The following KCNIP1 variants were observed in gnomAD, a reference collection of about 807,000 sequenced individuals.
The protein encoded by KCNIP1 is A-type potassium channel modulatory protein KCNIP1.
A neutral mutation model predicts 33.0 loss-of-function variants in KCNIP1; 18 were observed. The observed-to-expected ratio is 0.55, with a 90% CI of 0.38 to 0.81. The LOEUF (loss-of-function observed/expected upper bound fraction) is 0.81. Among genes scored for constraint, KCNIP1 ranks in the 30% least tolerant of loss-of-function variants. The pLI is 0.00. For synonymous variants in KCNIP1, 93 were observed against 98.3 expected, an observed-to-expected ratio of 0.95 and a Z score of 0.32; for missense variants, 238 against 271.6, an observed-to-expected ratio of 0.88 and a Z score of 0.87.
intron 1 of KCNIP1, among the ~76,000 whole-genome samples, chr5:170,412,502 A>G (rs1424623567): frequency 1.3e-5 from 2 of 152,192 alleles, no homozygotes; most frequent in Non-Finnish European, 2.9e-5. Context: ...GGTTTCAGGA[A>G]GTGACTCCTG....
chr5:170,416,678 C>A (rs370638068), intron 1 of KCNIP1, among the ~76,000 whole-genome samples: 1 of 149,866 alleles, frequency 6.7e-6, no homozygotes, highest in East Asian at 1.9e-4. Flanking sequence ...TTAATACTTA[C>A]CGTAACTCAT....
intron 1 of KCNIP1, among the ~76,000 whole-genome samples, chr5:170,700,974 C>G (rs1321055669): frequency 1.3e-5 from 2 of 152,208 alleles, no homozygotes; most frequent in African/African-American, 2.4e-5. Flanking sequence ...CAACAAAACA[C>G]TGGTTGCAGT....
intron 1 of KCNIP1, among the ~76,000 whole-genome samples, chr5:170,574,512 C>G (rs538897143): frequency 7.9e-5 from 12 of 152,356 alleles, no homozygotes; most frequent in African/African-American, 2.4e-4. Flanking sequence ...CCTCCTACCA[C>G]ACAGTTCAAA....
intron 1 of KCNIP1, among the ~76,000 whole-genome samples, chr5:170,400,343 T>C (rs1375086010): frequency 6.6e-6 from 1 of 151,960 alleles, no homozygotes; most frequent in African/African-American, 2.4e-5. Context: ...CTTCACAAGG[T>C]GGCAGGAAAA....
chr5:170,365,304 G>A (rs1232125379), intron 1 of KCNIP1, among the ~76,000 whole-genome samples: 2 of 152,144 alleles, frequency 1.3e-5, no homozygotes, highest in Non-Finnish European at 2.9e-5. Flanking sequence ...GCCCTTTAAA[G>A]GTTCCAGTTC....
At chr5:170,473,613 CT>C (rs1372685133) in intron 1 of KCNIP1, among the ~76,000 whole-genome samples, 1 of 152,132 alleles carries the variant, frequency 6.6e-6, no homozygotes, top group Admixed American at 6.5e-5. Context: ...ACCAGGGCCC[CT>C]GGCAGCTCAG....
chr5:170,495,736 C>A (rs769339640), intron 1 of KCNIP1, among the ~76,000 whole-genome samples: 56 of 152,340 alleles, frequency 3.7e-4, no homozygotes, highest in Admixed American at 1.5e-3. Context: ...GTAGTGAATG[C>A]CGCAGCTCAA....
In KCNIP1 at chr5:170,458,615, G is replaced by A. The variant is rs1299430717; in HGVS notation, c.88+104651G>A. ...GTGAAACTAAGCTTTATAAATGAAG[G>A]AAAGATACAGTCTTTTTCAGATAAA... is the stretch of plus-strand genomic sequence containing the variant. On this transcript the variant is annotated intron_variant, in intron 1 of 7. Coordinates refer to the KCNIP1 transcript ENST00000377360. Among the ~76,000 whole-genome samples the A allele has an allele frequency of 2.0e-5, 3 of 152,156 alleles. No homozygotes were observed. In the East Asian group the frequency reaches 5.8e-4, roughly 29 times the overall value.
intron 1 of KCNIP1, among the ~76,000 whole-genome samples, chr5:170,672,405 G>A (rs1761960924): frequency 6.6e-6 from 1 of 152,230 alleles, no homozygotes; most frequent in Non-Finnish European, 1.5e-5. Flanking sequence ...TTCCTCCCCT[G>A]GAGAAACTGA....
At chr5:170,594,126 A>G (rs1369467302) in intron 1 of KCNIP1, among the ~76,000 whole-genome samples, 3 of 152,236 alleles carry the variant, frequency 2.0e-5, no homozygotes, top group Non-Finnish European at 4.4e-5. Context: ...AGACACAGCT[A>G]GAGATTGGCA....
intron 1 of KCNIP1, among the ~76,000 whole-genome samples, chr5:170,566,850 G>A (rs1197821888): frequency 6.6e-6 from 1 of 152,202 alleles, no homozygotes; most frequent in African/African-American, 2.4e-5. Flanking sequence ...CATAAACCAG[G>A]AAAAGGAGGA....
intron 1 of KCNIP1, among the ~76,000 whole-genome samples, chr5:170,540,393 C>A (rs919720286): frequency 2.0e-5 from 3 of 152,174 alleles, no homozygotes; most frequent in Admixed American, 2.0e-4. Context: ...ATACTTACAG[C>A]CCTGAGGTTG....
At chr5:170,479,361 A>G (rs1430537823) in intron 1 of KCNIP1, among the ~76,000 whole-genome samples, 1 of 152,214 alleles carries the variant, frequency 6.6e-6, no homozygotes, top group Non-Finnish European at 1.5e-5. Context: ...CCCTCTTTAC[A>G]TGTTACCAAA....
chr5:170,546,500 C>T (rs1756413792), intron 1 of KCNIP1, among the ~76,000 whole-genome samples: 2 of 152,192 alleles, frequency 1.3e-5, no homozygotes, highest in South Asian at 4.1e-4. Flanking sequence ...TGCTTGGTTT[C>T]TGCTTTCTCC....
At chr5:170,651,601 C>CCAGCTGAT (rs1485336371) in intron 1 of KCNIP1, among the ~76,000 whole-genome samples, 2 of 152,176 alleles carry the variant, frequency 1.3e-5, no homozygotes. Context: ...CGCCACCCCC[C>CCAGCTGAT]CAGCTGATTG....
chr5:170,694,754 A>C (rs145193426), intron 1 of KCNIP1, among the ~76,000 whole-genome samples: 208 of 152,294 alleles, frequency 1.4e-3, no homozygotes, highest in African/African-American at 4.9e-3. Context: ...AAAGCGTCAC[A>C]CATATATGTC....
chr5:170,717,031 A>T (rs1763665270), intron 1 of KCNIP1, among the ~76,000 whole-genome samples: 1 of 152,230 alleles, frequency 6.6e-6, no homozygotes, highest in Non-Finnish European at 1.5e-5. Context: ...CCTAAGGGGC[A>T]AAAGGAGGGA....
chr5:170,504,580 C>T lies in KCNIP1; in HGVS notation c.8C>T (p.Ala3Val), dbSNP rs934930755. The change falls in exon 1 of 8, where the codon GCC becomes GTC. Residue 3 changes from alanine to valine, a missense_variant. By Grantham distance (64) the Ala-to-Val change is moderately conservative. Transcript: ENST00000328939. The surrounding 1 kb of genome is among the most constrained non-coding windows in gnomAD (Gnocchi z 6.0). MG[A>V]VMGTFSSLQT... ...ACTCAAGTCTTCGCTGCCATGGGGG[C>T]CGTCATGGGCACCTTCTCATCTCTG... 1.2e-6 allele frequency: 2 copies of T among 1,613,566 alleles called. No homozygotes were observed. The highest frequency in any genetic ancestry group is 1.7e-6 in the Non-Finnish European group (2 of 1,179,994).
At chr5:170,479,382 A>G (rs1330922293) in intron 1 of KCNIP1, among the ~76,000 whole-genome samples, 6 of 152,048 alleles carry the variant, frequency 3.9e-5, no homozygotes, top group African/African-American at 1.4e-4. Context: ...CATGACTACT[A>G]ATTTCTATTT....
Sources: allele counts gnomAD v4.1 joint callset (sites outside exome capture counted in the v4.1 genomes callset), GRCh38; gene constraint gnomAD v4.1.1; non-coding constraint Gnocchi (gnomAD v3.1); transcripts MANE v1.5; gene names NCBI Gene and HGNC (gene_info 2026-07-23, HGNC 2026-07-21).